The following GABBR2 variants were observed in gnomAD, a reference collection of about 807,000 sequenced individuals.
GABBR2 encodes the protein gamma-aminobutyric acid type B receptor subunit 2.
Under a neutral mutation model 105.6 loss-of-function variants are expected in GABBR2, and 23 were observed. The observed-to-expected ratio is 0.22, with a 90% CI of 0.16 to 0.31. The LOEUF (loss-of-function observed/expected upper bound fraction) is 0.31, where lower values mean the gene tolerates loss of function less well. Among genes scored for constraint, GABBR2 ranks in the 10% least tolerant of loss-of-function variants. The pLI is 1.00. For missense variants in GABBR2, 734 were observed against 1,245.5 expected (o/e 0.59, Z 6.18); for synonymous variants, 478 against 499.7 (o/e 0.96, Z 0.58).
Position 98,480,807 on chromosome 9 carries a change from T to C in GABBR2, c.798+125A>G. The C allele has an allele frequency of 1.3e-5, 9 of 692,142 alleles. 1 individual carries two copies. The South Asian group carries it at 1.4e-4, about 11-fold the overall frequency. The allele number at this position is 692,142 out of a possible 1,614,324, so 42.9% of individuals were successfully genotyped here. On this transcript the variant is annotated intron_variant, in intron 5 of 18. Coordinates refer to ENST00000259455, the MANE Select transcript of GABBR2 (RefSeq NM_005458.8). The stretch of plus-strand genomic sequence containing the variant: ...GAAAGAACAGTGAACGCAACTCTTC[T>C]GCTTCCAGGAACCCAGGCTCCAGTC...
At chr9:98,492,162 C>T (rs562493636) in intron 4 of GABBR2, among the ~76,000 whole-genome samples, 1 of 151,584 alleles carries the variant, frequency 6.6e-6, no homozygotes, top group Non-Finnish European at 1.5e-5. Flanking sequence ...TTTGGCAAAA[C>T]CTGTCTAAGT....
At chr9:98,406,275 T>G (rs1832488588) in intron 7 of GABBR2, 134 bp from the exon 8 acceptor site, 1 of 556,302 alleles carries the variant, frequency 1.8e-6, no homozygotes, top group Admixed American at 3.7e-5. Context: ...AGATTCCCGC[T>G]GGACCACAGA....
At chr9:98,554,134 A>G (rs747239351) in intron 2 of GABBR2, among the ~76,000 whole-genome samples, 4 of 152,118 alleles carry the variant, frequency 2.6e-5, no homozygotes, top group Admixed American at 6.6e-5. Flanking sequence ...CCTCGCTCCA[A>G]TTTTCTGGGC....
At chr9:98,415,368 AT>A (rs1178632825) in intron 7 of GABBR2, among the ~76,000 whole-genome samples, 9 of 152,198 alleles carry the variant, frequency 5.9e-5, no homozygotes, top group Admixed American at 2.0e-4. Flanking sequence ...CTTGAAATAG[AT>A]TAATTTTTTT....
intron 8 of GABBR2, 35 bp downstream of exon 8, chr9:98,406,046 T>C (rs368321294): frequency 4.3e-6 from 5 of 1,160,134 alleles, no homozygotes; most frequent in Non-Finnish European, 6.5e-6. Flanking sequence ...ATCTAAATTT[T>C]ATCAGCTAGA....
At chr9:98,489,249 G>C (rs1827124155) in intron 4 of GABBR2, among the ~76,000 whole-genome samples, 1 of 152,206 alleles carries the variant, frequency 6.6e-6, no homozygotes, top group South Asian at 2.1e-4. Flanking sequence ...CAAAGGGAGT[G>C]CTTAAAAGTG....
At chr9:98,523,096 C>A (rs1827896685) in intron 3 of GABBR2, among the ~76,000 whole-genome samples, 1 of 152,138 alleles carries the variant, frequency 6.6e-6, no homozygotes, top group Non-Finnish European at 1.5e-5. Flanking sequence ...TATAGGATTT[C>A]ATCAAAGCTG....
intron 1 of GABBR2, among the ~76,000 whole-genome samples, chr9:98,680,049 T>A (rs1430626454): frequency 1.3e-5 from 2 of 152,172 alleles, no homozygotes; most frequent in African/African-American, 4.8e-5. Context: ...CTCTTTAATC[T>A]ATCTTTTGTT....
At chr9:98,701,208 TA>T (rs1431028371) in intron 1 of GABBR2, among the ~76,000 whole-genome samples, 1 of 152,166 alleles carries the variant, frequency 6.6e-6, no homozygotes, top group Non-Finnish European at 1.5e-5. Context: ...CCTTTAAAGA[TA>T]AAGTGAGTAT....
At chr9:98,329,617 C>T (rs139771452) in intron 13 of GABBR2, among the ~76,000 whole-genome samples, 115 of 152,354 alleles carry the variant, frequency 7.5e-4, no homozygotes, top group African/African-American at 2.7e-3. Flanking sequence ...TGGGGCATCT[C>T]GGCCCTGCCC....
chr9:98,388,660 T>TGTGTGTGTGTGTGTGTGC lies in GABBR2; in HGVS notation c.1529+193_1529+194insGCACACACACACACACAC, dbSNP rs1053006846. ...GTGTGTGTGTGTGTGTGTGTGTGTG[T>TGTGTGTGTGTGTGTGTGC]GCGTGCACGCACACACACGTACTCA... On this transcript the variant is annotated intron_variant, in intron 10 of 18. Coordinates refer to ENST00000259455, the MANE Select transcript of GABBR2 (RefSeq NM_005458.8). This position sits in a 1 kb window ranked among gnomAD's most constrained non-coding sequence, Gnocchi z 4.4. 7.1e-6 allele frequency among the ~76,000 whole-genome samples: 1 copy of TGTGTGTGTGTGTGTGTGC among 141,708 alleles called. No individual in the cohort carries two copies. Among genetic ancestry groups the TGTGTGTGTGTGTGTGTGC allele is most frequent in the African/African-American group, 2.8e-5 (1 of 35,926 alleles). The allele number at this position is 141,708 out of a possible 152,430, so 93.0% of individuals were successfully genotyped here. A position where few individuals can be genotyped will look rare whatever the true frequency, so the allele number is the denominator to read the frequency against.
At chr9:98,492,349 T>TTAAAAAAAAAA (rs752135873) in intron 4 of GABBR2, among the ~76,000 whole-genome samples, 1 of 29,218 alleles carries the variant, frequency 3.4e-5, no homozygotes, top group Non-Finnish European at 8.6e-5. Context: ...TGTTTCCTAG[T>TTAAAAAAAAAA]AAAAAAAAAA....
chr9:98,392,199 C>T (rs1417758119), intron 9 of GABBR2, among the ~76,000 whole-genome samples: 25 of 152,218 alleles, frequency 1.6e-4, no homozygotes, highest in Admixed American at 1.6e-3. Flanking sequence ...AGACCTGGTA[C>T]CCTCTGACTG....
chr9:98,344,504 G>A (rs1247207411), intron 13 of GABBR2, among the ~76,000 whole-genome samples: 1 of 152,136 alleles, frequency 6.6e-6, no homozygotes, highest in African/African-American at 2.4e-5. Flanking sequence ...CCAGTTCATG[G>A]GACACCTGTC....
intron 12 of GABBR2, among the ~76,000 whole-genome samples, chr9:98,368,800 G>T (rs1487226907): frequency 6.6e-6 from 1 of 152,274 alleles, no homozygotes; most frequent in Non-Finnish European, 1.5e-5. Flanking sequence ...AGCAGGAGGG[G>T]CCCCAGAAGC....
intron 13 of GABBR2, among the ~76,000 whole-genome samples, chr9:98,317,676 C>T (rs1178395142): frequency 2.6e-5 from 4 of 152,146 alleles, no homozygotes; most frequent in Admixed American, 1.3e-4. Flanking sequence ...TTCATTCATT[C>T]GAAATCGACT....
Position 98,548,401 on chromosome 9 carries a change from T to C in GABBR2, c.460-6358A>G, listed in dbSNP as rs1483090328. Among the ~76,000 whole-genome samples the C allele has an allele frequency of 1.7e-5, 2 of 118,268 alleles. 1 individual carries two copies. The highest frequency in any genetic ancestry group is 3.8e-5 in the Non-Finnish European group (2 of 53,044). 77.6% of individuals were successfully genotyped at this position (118,268 alleles called of 152,430 possible). The stretch of plus-strand genomic sequence containing the variant: ...CTCAGTGCCCAATTTTCTAATACTC[T>C]AGATCAACACAGTACATTAAATTCC... On this transcript the variant is annotated intron_variant, in intron 2 of 18. Coordinates refer to ENST00000259455, the MANE Select transcript of GABBR2 (RefSeq NM_005458.8).
At chr9:98,530,972 C>T (rs954942924) in intron 3 of GABBR2, among the ~76,000 whole-genome samples, 6 of 151,936 alleles carry the variant, frequency 3.9e-5, no homozygotes, top group Admixed American at 2.0e-4. Flanking sequence ...GAGCCTGGCC[C>T]GGGGCTGGGC....
At chr9:98,403,224 G>A (rs1299450763) in intron 8 of GABBR2, among the ~76,000 whole-genome samples, 3 of 146,174 alleles carry the variant, frequency 2.1e-5, no homozygotes, top group Middle Eastern at 3.4e-3. Flanking sequence ...AACCCAGGAG[G>A]CAGAGGTTGC....
Sources: allele counts gnomAD v4.1 joint callset (sites outside exome capture counted in the v4.1 genomes callset), GRCh38; gene constraint gnomAD v4.1.1; non-coding constraint Gnocchi (gnomAD v3.1); transcripts MANE v1.5; gene names NCBI Gene and HGNC (gene_info 2026-07-23, HGNC 2026-07-21).